The following ACBD3 variants were observed in gnomAD, a reference collection of about 807,000 sequenced individuals.
The protein encoded by ACBD3 is Golgi resident protein GCP60.
Under a neutral mutation model 66.9 loss-of-function variants are expected in ACBD3, and 30 were observed. The ratio of observed to expected loss-of-function variants is 0.45; its 90% confidence interval spans 0.34 to 0.61. The LOEUF (loss-of-function observed/expected upper bound fraction) is 0.61. ACBD3 is among the 20% of genes least tolerant of loss of function. The probability of loss-of-function intolerance (pLI) is 0.02; values close to 1 mark genes in which losing one functional copy is unlikely to be tolerated. For missense variants in ACBD3, 544 were observed against 664.5 expected (o/e 0.82, Z 1.99); for synonymous variants, 278 against 259.8 (o/e 1.07, Z -0.68).
rs781086174 is a variant in ACBD3, at chr1:226,152,417, C to T, written c.1293G>A (p.Val431=). The change falls in exon 7 of 8, where the codon GTG becomes GTA. Residue 431 remains valine, a synonymous_variant. Coordinates refer to ENST00000366812, the MANE Select transcript of ACBD3 (RefSeq NM_022735.4). ...TTGGAGAGTCTGTCCATTCAAAATA[C>T]ACCCCAAACCCAATGTCATAATTGT... ...ATDNYDIGFG[V]YFEWTDSPNT... is the part of the protein sequence containing the mutation. 6.3e-5 allele frequency: 101 copies of T among 1,614,088 alleles called. No individual in the cohort carries two copies. The highest frequency in any genetic ancestry group is 6.7e-5 in the East Asian group (3 of 44,902).
intron 2 of ACBD3, among the ~76,000 whole-genome samples, chr1:226,165,639 T>C (rs1558127646): frequency 6.6e-6 from 1 of 152,200 alleles, no homozygotes; most frequent in African/African-American, 2.4e-5. Flanking sequence ...ACTTGTCTTA[T>C]GTTCATAAGC....
chr1:226,181,846 T>C (rs80197597), intron 1 of ACBD3, among the ~76,000 whole-genome samples: 72 of 152,238 alleles, frequency 4.7e-4, no homozygotes, highest in African/African-American at 1.7e-3. Flanking sequence ...CCAAGAAGTA[T>C]AAAGGTCATA....
Position 226,156,964 on chromosome 1 carries a change from C to T in ACBD3, c.904-2131G>A, listed in dbSNP as rs193060987. On this transcript the variant is annotated intron_variant, in intron 5 of 7. Coordinates refer to ENST00000366812, the MANE Select transcript of ACBD3 (RefSeq NM_022735.4). The stretch of plus-strand genomic sequence containing the variant: ...CCCCGACCATGAATCTATTGTACTA[C>T]ATGTAATAGATTGTAATGATATATT... Among the ~76,000 whole-genome samples the T allele has an allele frequency of 1.9e-3, 287 of 152,254 alleles. 5 individuals are homozygous for T. The highest frequency in any genetic ancestry group is 3.1e-3 in the Non-Finnish European group (208 of 68,024).
intron 1 of ACBD3, among the ~76,000 whole-genome samples, chr1:226,176,420 A>C (rs56138738): frequency 0.13 from 14,757 of 116,030 alleles, 944 homozygotes; most frequent in Middle Eastern, 0.25. Flanking sequence ...ACAGAGCGAG[A>C]CTCCGTCTCA....
intron 1 of ACBD3, among the ~76,000 whole-genome samples, chr1:226,170,578 T>G (rs1413580739): frequency 6.6e-6 from 1 of 152,106 alleles, no homozygotes; most frequent in African/African-American, 2.4e-5. Context: ...CTTTTCTGAT[T>G]AGTCATGCAA....
chr1:226,145,186 AAAGAG>A lies in ACBD3; in HGVS notation c.*1419_*1423del. 6.5e-6 allele frequency: 1 copy of A among 152,710 alleles called. No homozygotes were observed. The highest frequency in any genetic ancestry group is 1.5e-5 in the Non-Finnish European group (1 of 68,004). The allele number at this position is 152,710 out of a possible 1,614,324, so 9.5% of individuals were successfully genotyped here. On this transcript the variant is annotated 3_prime_UTR_variant, in exon 8 of 8. Transcript: ENST00000366812. ...AAAAAATCCAGTTTCTGAACAACCA[AAAGAG>A]AACAGAGTTAGATATGTACAAAACC... is the stretch of plus-strand genomic sequence containing the variant.
chr1:226,163,864 T>C (rs773326411), intron 3 of ACBD3, among the ~76,000 whole-genome samples: 5 of 152,198 alleles, frequency 3.3e-5, no homozygotes, highest in Non-Finnish European at 7.4e-5. Flanking sequence ...CTCATGCCTG[T>C]AATCCCAGCA....
rs1383732833 is a variant in ACBD3 at position 226,154,847 on chromosome 1, G to GA, written c.904-15dup. ...CTGTAATGCTGCCTACAAACCAAGA[G>GA]AAAGTGAAGACACACTGACCAGGAA... is the stretch of plus-strand genomic sequence containing the variant. On this transcript the variant is annotated splice_polypyrimidine_tract_variant and intron_variant, in intron 5 of 7. Coordinates refer to ENST00000366812, the MANE Select transcript of ACBD3 (RefSeq NM_022735.4). The GA allele has an allele frequency of 1.3e-6, 2 of 1,592,852 alleles. No homozygotes were observed. The highest frequency in any genetic ancestry group is 1.7e-5 in the Admixed American group (1 of 57,546).
chr1:226,183,922 T>C (rs917729594), intron 1 of ACBD3, among the ~76,000 whole-genome samples: 22 of 146,166 alleles, frequency 1.5e-4, no homozygotes, highest in African/African-American at 5.1e-4. Context: ...CTGGGCACAG[T>C]GGCTCACACC....
intron 3 of ACBD3, among the ~76,000 whole-genome samples, chr1:226,163,052 C>T (rs1405233178): frequency 1.3e-5 from 2 of 152,132 alleles, no homozygotes; most frequent in Non-Finnish European, 2.9e-5. Context: ...CTGCCCGCCT[C>T]GTTCTCCCCA....
chr1:226,157,242 A>AC (rs1659691543), intron 5 of ACBD3, among the ~76,000 whole-genome samples: 1 of 145,664 alleles, frequency 6.9e-6, no homozygotes, highest in African/African-American at 2.5e-5. Context: ...TCAATTATGG[A>AC]TTTTTTTTTT....
chr1:226,158,077 G>A (rs1051502577), intron 5 of ACBD3, among the ~76,000 whole-genome samples: 1 of 152,156 alleles, frequency 6.6e-6, no homozygotes, highest in Non-Finnish European at 1.5e-5. Flanking sequence ...ATAAACTCTG[G>A]TTTGGCATCT....
At chr1:226,176,364 A>G (rs1182804819) in intron 1 of ACBD3, among the ~76,000 whole-genome samples, 3 of 135,502 alleles carry the variant, frequency 2.2e-5, no homozygotes, top group Non-Finnish European at 4.6e-5. Flanking sequence ...TGGGAGGCAG[A>G]GGTTGCAGTG....
At chr1:226,164,469 G>A (rs1013230525) in intron 3 of ACBD3, among the ~76,000 whole-genome samples, 1 of 152,196 alleles carries the variant, frequency 6.6e-6, no homozygotes, top group African/African-American at 2.4e-5. Context: ...TGTCAGACCA[G>A]AGGATAGGGA....
chr1:226,186,555 G>C lies in ACBD3; in HGVS notation c.121C>G (p.Pro41Ala). Reference sequence around the variant, plus strand: ...CGACCGGATCCAGGTGGCGAGGGCGGTGGCAGCGGTGGCGGCAGCAGCGGG... The same window carrying C: ...CGACCGGATCCAGGTGGCGAGGGCGCTGGCAGCGGTGGCGGCAGCAGCGGG... Reference protein sequence around the residue: ...GAPLLPPPLPPPSPPGSGRGP... With the variant: ...GAPLLPPPLPAPSPPGSGRGP... The change falls in exon 1 of 8, where the codon CCG becomes GCG. Residue 41 changes from proline (P) to alanine (A), a missense_variant. Transcript: ENST00000366812. 7.3e-7 allele frequency: 1 copy of C among 1,360,618 alleles called. No homozygotes were observed. The highest frequency in any genetic ancestry group is 9.4e-7 in the Non-Finnish European group (1 of 1,061,904). 84.3% of individuals were successfully genotyped at this position (1,360,618 alleles called of 1,614,324 possible).
At position 226,179,506 on chromosome 1, in the gene ACBD3, C is replaced by T. The variant is rs1396728876; in HGVS notation, c.286+6884G>A. On this transcript the variant is annotated intron_variant, in intron 1 of 7. Coordinates refer to ENST00000366812, the MANE Select transcript of ACBD3 (RefSeq NM_022735.4). ...AGATCAAATCTGTTTTATTTCATGG[C>T]CATATCACACTGTTGCCTCACAGAG... Among the ~76,000 whole-genome samples the T allele has an allele frequency of 1.3e-5, 2 of 152,176 alleles. 1 individual carries two copies. The highest frequency in any genetic ancestry group is 2.9e-5 in the Non-Finnish European group (2 of 68,028).
chr1:226,174,761 G>A (rs576578407), intron 1 of ACBD3, among the ~76,000 whole-genome samples: 39 of 151,492 alleles, frequency 2.6e-4, no homozygotes, highest in Non-Finnish European at 4.3e-4. Flanking sequence ...GCCAGACTCC[G>A]TCTCAAAAAC....
At chr1:226,151,160 CAAT>C (rs762893527) in intron 7 of ACBD3, among the ~76,000 whole-genome samples, 3 of 152,146 alleles carry the variant, frequency 2.0e-5, no homozygotes, top group South Asian at 4.1e-4. Flanking sequence ...CATGTACTTT[CAAT>C]AATATCTTTT....
chr1:226,185,642 C>A (rs988439227), intron 1 of ACBD3, among the ~76,000 whole-genome samples: 13 of 151,560 alleles, frequency 8.6e-5, no homozygotes, highest in Non-Finnish European at 1.9e-4. Flanking sequence ...AAACCGCACA[C>A]TACAATCTTG....
Sources: gnomAD v4.1 joint callset for allele counts (sites outside exome capture counted in the v4.1 genomes callset) on GRCh38, gnomAD v4.1.1 for gene constraint, MANE v1.5 for transcripts, NCBI Gene and HGNC (gene_info 2026-07-23, HGNC 2026-07-21) for gene names.